The following ADGRL3 variants were observed in gnomAD, a reference collection of about 807,000 sequenced individuals.
ADGRL3 encodes the protein adhesion G protein-coupled receptor L3.
A neutral mutation model predicts 153.5 loss-of-function variants in ADGRL3; 62 were observed. The ratio of observed to expected loss-of-function variants is 0.40; its 90% CI spans 0.33 to 0.50. ADGRL3 has a LOEUF of 0.50. ADGRL3 is among the 20% of genes least tolerant of loss of function. ADGRL3 has a pLI of 0.47. For synonymous variants in ADGRL3, 710 were observed against 672.5 expected, an observed-to-expected ratio of 1.06 and a Z score of -0.86; for missense variants, 1,641 against 1,859.4, an observed-to-expected ratio of 0.88 and a Z score of 2.16.
intron 11 of ADGRL3, among the ~76,000 whole-genome samples, chr4:61,909,204 A>T (rs77816931): frequency 0.051 from 7,761 of 152,204 alleles, 327 homozygotes; most frequent in East Asian, 0.19. Flanking sequence ...AGAACTTACA[A>T]TGTGGTTGGG....
chr4:61,443,407 T>A (rs527575903), intron 2 of ADGRL3, among the ~76,000 whole-genome samples: 1 of 152,308 alleles, frequency 6.6e-6, no homozygotes, highest in East Asian at 1.9e-4. Flanking sequence ...TGATATTTAT[T>A]ATTACTAATT....
intron 8 of ADGRL3, among the ~76,000 whole-genome samples, chr4:61,758,575 C>T (rs1030633861): frequency 5.9e-5 from 9 of 152,100 alleles, no homozygotes; most frequent in Non-Finnish European, 1.0e-4. Flanking sequence ...ATGTGTGTCT[C>T]TGCATAAGAG....
At chr4:61,410,931 T>C (rs904693642) in intron 2 of ADGRL3, among the ~76,000 whole-genome samples, 1 of 152,076 alleles carries the variant, frequency 6.6e-6, no homozygotes, top group Non-Finnish European at 1.5e-5. Flanking sequence ...CCTATGGAGG[T>C]TGCAGGATGT....
chr4:61,526,822 T>TA (rs2098564774), intron 4 of ADGRL3, among the ~76,000 whole-genome samples: 1 of 151,774 alleles, frequency 6.6e-6, no homozygotes, highest in African/African-American at 2.4e-5. Flanking sequence ...AGGAATGTTG[T>TA]AATACCTTAT....
rs570444355 is a variant in ADGRL3, at chr4:61,241,228, G to A, written c.-240+39463G>A. 1.1e-3 allele frequency among the ~76,000 whole-genome samples: 165 copies of A among 152,086 alleles called. 1 individual carries two copies. The highest frequency in any genetic ancestry group is 1.9e-3 in the Non-Finnish European group (126 of 67,926). Reference sequence around the variant, plus strand: ...GGGCCTTAAAAATAGAAATAATTTAGAGATTAGATGAATAAAGAGATAGGA... The same window carrying A: ...GGGCCTTAAAAATAGAAATAATTTAAAGATTAGATGAATAAAGAGATAGGA... On this transcript the variant is annotated intron_variant, in intron 1 of 26. Transcript: ENST00000683033.
chr4:61,558,312 T>C (rs1210700602), intron 4 of ADGRL3, among the ~76,000 whole-genome samples: 1 of 151,234 alleles, frequency 6.6e-6, no homozygotes, highest in Admixed American at 6.6e-5. Context: ...TCTTATGTGT[T>C]CCTGGGATCC....
intron 2 of ADGRL3, among the ~76,000 whole-genome samples, chr4:61,409,656 T>C (rs968390208): frequency 1.3e-5 from 2 of 151,560 alleles, no homozygotes; most frequent in Admixed American, 1.3e-4. Flanking sequence ...TTTTTCACTC[T>C]GTTTTAGCAA....
intron 4 of ADGRL3, among the ~76,000 whole-genome samples, chr4:61,560,783 T>C (rs946892955): frequency 6.6e-6 from 1 of 152,116 alleles, no homozygotes; most frequent in Non-Finnish European, 1.5e-5. Context: ...CTGCTCTATA[T>C]AGATTTCCCT....
chr4:61,600,179 G>T (rs1243589553), intron 5 of ADGRL3, among the ~76,000 whole-genome samples: 1 of 151,770 alleles, frequency 6.6e-6, no homozygotes, highest in Non-Finnish European at 1.5e-5. Flanking sequence ...GTGGTGGCAT[G>T]CATCTGTAGT....
chr4:61,505,333 T>G (rs1256926186), intron 3 of ADGRL3, among the ~76,000 whole-genome samples: 3 of 152,152 alleles, frequency 2.0e-5, no homozygotes, highest in African/African-American at 7.2e-5. Flanking sequence ...CCTTGTCAGA[T>G]GATAGTTTGC....
intron 2 of ADGRL3, among the ~76,000 whole-genome samples, chr4:61,401,191 T>C (rs2096926336): frequency 6.6e-6 from 1 of 151,900 alleles, no homozygotes; most frequent in East Asian, 1.9e-4. Context: ...TTCATTTTTA[T>C]TAAGTTAATT....
At chr4:61,686,002 T>C (rs901319966) in intron 6 of ADGRL3, among the ~76,000 whole-genome samples, 1 of 144,608 alleles carries the variant, frequency 6.9e-6, no homozygotes, top group Non-Finnish European at 1.6e-5. Flanking sequence ...ATTGAGAGCA[T>C]TAAAAAATTA....
chr4:61,415,786 A>G (rs751856377), intron 2 of ADGRL3, among the ~76,000 whole-genome samples: 4 of 151,916 alleles, frequency 2.6e-5, no homozygotes, highest in Admixed American at 6.6e-5. Context: ...TATAGCATAT[A>G]TTGTCAGCTT....
intron 23 of ADGRL3, among the ~76,000 whole-genome samples, chr4:62,036,991 C>G (rs1247950456): frequency 6.6e-6 from 1 of 151,802 alleles, no homozygotes; most frequent in Non-Finnish European, 1.5e-5. Flanking sequence ...CTTCTTTTTC[C>G]CTGTAATTTT....
At chr4:61,839,596 T>A (rs1028713281) in intron 9 of ADGRL3, among the ~76,000 whole-genome samples, 1 of 152,042 alleles carries the variant, frequency 6.6e-6, no homozygotes, top group Non-Finnish European at 1.5e-5. Flanking sequence ...TGGCAGGTTT[T>A]TTTTTTCTTT....
At chr4:61,291,165 C>T (rs1206307676) in intron 1 of ADGRL3, among the ~76,000 whole-genome samples, 1 of 134,542 alleles carries the variant, frequency 7.4e-6, no homozygotes, top group Non-Finnish European at 1.6e-5. Flanking sequence ...TAAGATTTTG[C>T]CTGGATCAAT....
chr4:62,021,865 T>C (rs1016502565), intron 21 of ADGRL3, among the ~76,000 whole-genome samples: 9 of 152,144 alleles, frequency 5.9e-5, no homozygotes, highest in African/African-American at 1.9e-4. Context: ...CTTCTGTCTT[T>C]TCCTCTGCCT....
intron 6 of ADGRL3, among the ~76,000 whole-genome samples, chr4:61,711,063 G>A (rs1026180000): frequency 2.0e-5 from 3 of 152,036 alleles, no homozygotes; most frequent in Non-Finnish European, 2.9e-5. Context: ...AGTTGTGGGG[G>A]CTATGTCCAT....
intron 13 of ADGRL3, among the ~76,000 whole-genome samples, chr4:61,932,481 G>T (rs569608774): frequency 1.5e-3 from 234 of 152,192 alleles, no homozygotes; most frequent in African/African-American, 5.5e-3. Context: ...CACATTTGTT[G>T]ATTTTTGTAT....
Sources: gnomAD v4.1 joint callset for allele counts (sites outside exome capture counted in the v4.1 genomes callset) on GRCh38, gnomAD v4.1.1 for gene constraint, MANE v1.5 for transcripts, NCBI Gene and HGNC (gene_info 2026-07-23, HGNC 2026-07-21) for gene names.